SQSTM1: variants seen among roughly 807,000 people sequenced by gnomAD.
SQSTM1 encodes sequestosome 1.
Under a neutral mutation model 45.1 loss-of-function variants are expected in SQSTM1, and 36 were observed. That is an observed-to-expected ratio of 0.80 (90% confidence interval 0.61 to 1.05). The LOEUF (loss-of-function observed/expected upper bound fraction) is 1.05. SQSTM1 is among the 50% of genes least tolerant of loss of function. The pLI is 0.00. For missense variants in SQSTM1, 617 were observed against 607.1 expected, an observed-to-expected ratio of 1.02 and a Z score of -0.17; for synonymous variants, 290 against 244.3, an observed-to-expected ratio of 1.19 and a Z score of -1.74.
upstream of SQSTM1, among the ~76,000 whole-genome samples, chr5:179,815,504 A>G (rs886494970): frequency 1.1e-4 from 17 of 152,168 alleles, no homozygotes; most frequent in Non-Finnish European, 2.2e-4. Flanking sequence ...GAAAACCACA[A>G]TCAACTGGCT....
intron 5 of SQSTM1, 142 bp from the exon 6 acceptor site, chr5:179,832,890 G>A (rs1013641565): frequency 3.6e-6 from 3 of 829,832 alleles, no homozygotes; most frequent in African/African-American, 3.4e-5. Flanking sequence ...CACGCTGAGT[G>A]CCACCATCCA....
At chr5:179,828,466 C>T (rs746625404) in intron 5 of SQSTM1, among the ~76,000 whole-genome samples, 1 of 150,980 alleles carries the variant, frequency 6.6e-6, no homozygotes, top group Non-Finnish European at 1.5e-5. Context: ...CTCTGCCTCC[C>T]GGGTTCAAGC....
rs935021416 is a variant in SQSTM1 at position 179,821,214 on chromosome 5, C to G, written c.205+73C>G. The G allele has an allele frequency of 2.3e-6, 3 of 1,286,036 alleles. No homozygotes were observed. The African/African-American group carries it at 4.7e-5, about 20-fold the overall frequency. The allele number at this position is 1,286,036 out of a possible 1,614,324, so 79.7% of individuals were successfully genotyped here. On this transcript the variant is annotated intron_variant, in intron 1 of 7. Transcript: ENST00000389805. ...GCCTCCTGCCGCGGGGTGGCTGCCC[C>G]CTCCCTTCTCGGCGACGCCTGGCGG... is the stretch of plus-strand genomic sequence containing the variant.
intron 1 of SQSTM1, among the ~76,000 whole-genome samples, chr5:179,810,872 C>G (rs190306929): frequency 1.3e-5 from 2 of 151,898 alleles, no homozygotes; most frequent in African/African-American, 4.8e-5. Flanking sequence ...GCCAGTGATG[C>G]TGAGCATTTT....
At position 179,825,199 on chromosome 5, in the gene SQSTM1, A is replaced by T. The variant is rs769873457; in HGVS notation, c.727A>T (p.Ser243Cys). ...SVNFLKNVGESVAAALSPLGI... is the reference protein window; with the variant it reads ...SVNFLKNVGECVAAALSPLGI... ...GAATTTCCTGAAGAACGTTGGGGAG[A>T]GTGTGGCAGCTGCCCTTAGCCCTCT... is the stretch of plus-strand genomic sequence containing the variant. The change falls in exon 5 of 8, where the codon AGT becomes TGT. Residue 243 changes from serine (S) to cysteine (C), a missense_variant. Physicochemically the swap from Ser to Cys is moderately radical, Grantham distance 112. Transcript: ENST00000389805. 5.0e-6 allele frequency: 8 copies of T among 1,613,958 alleles called. No individual in the cohort carries two copies. The East Asian group carries it at 1.8e-4, about 36-fold the overall frequency.
chr5:179,810,916 G>GA (rs945115803), intron 1 of SQSTM1, among the ~76,000 whole-genome samples: 51 of 147,296 alleles, frequency 3.5e-4, no homozygotes, highest in Non-Finnish European at 4.7e-4. Context: ...TTTTTTTAAG[G>GA]AAAAAAAAAA....
chr5:179,822,108 C>A (rs934687437), intron 1 of SQSTM1, among the ~76,000 whole-genome samples: 3 of 152,174 alleles, frequency 2.0e-5, no homozygotes, highest in African/African-American at 7.2e-5. Flanking sequence ...CTTTTATCAC[C>A]CTCTTATCCA....
intron 2 of SQSTM1, 156 bp from the exon 3 acceptor site, chr5:179,823,702 C>T (rs1231789998): frequency 8.0e-6 from 6 of 746,634 alleles, no homozygotes; most frequent in Non-Finnish European, 1.3e-5. Flanking sequence ...TTCTTGGTGG[C>T]TCTGCTGCCC....
rs1215613472 is a variant in SQSTM1 at position 179,806,458 on chromosome 5, G to A, written c.-290G>A. Reference sequence around the variant, plus strand: ...CCGCCGCCGACGCCCAGGTGCGCCAGGTGCGGGCCGGGCGGGGGTCGCGCT... The same window carrying A: ...CCGCCGCCGACGCCCAGGTGCGCCAAGTGCGGGCCGGGCGGGGGTCGCGCT... On this transcript the variant is annotated 5_prime_UTR_variant, in exon 1 of 6. Transcript: ENST00000514093. The surrounding 1 kb of genome is among the most constrained non-coding windows in gnomAD (Gnocchi z 4.6). The A allele has an allele frequency of 2.4e-6, 3 of 1,233,388 alleles. No individual in the cohort carries two copies. The South Asian group carries it at 5.8e-5, about 24-fold the overall frequency. 76.4% of individuals were successfully genotyped at this position (1,233,388 alleles called of 1,614,324 possible).
intron 5 of SQSTM1, among the ~76,000 whole-genome samples, chr5:179,831,555 G>A (rs138422541): frequency 0.046 from 6,975 of 152,068 alleles, 298 homozygotes; most frequent in African/African-American, 0.11. Context: ...CCAGCTACTC[G>A]GGAGGCTGAG....
chr5:179,825,251 C>A, intron 5 of SQSTM1, 25 bp downstream of exon 5: 1 of 1,584,548 alleles, frequency 6.3e-7, no homozygotes, highest in Non-Finnish European at 8.7e-7. Context: ...TTGCCCAGTG[C>A]TTCCCTAACT....
rs2241349 is a variant in SQSTM1, at chr5:179,833,009, G to A, written c.755-23G>A. The A allele has an allele frequency of 0.35, 571,664 of 1,612,794 alleles. 106,358 individuals are homozygous for A. The highest frequency in any genetic ancestry group is 0.63 in the East Asian group (28,295 of 44,830). ...CATCCTTGGGGGAACTTCACGGCTTGCTCTTTCCTCCTCCGCCTCTAGGCA... is the reference window on the plus strand; with the variant it reads ...CATCCTTGGGGGAACTTCACGGCTTACTCTTTCCTCCTCCGCCTCTAGGCA... On this transcript the variant is annotated intron_variant, in intron 5 of 7. Transcript: ENST00000389805.
intron 5 of SQSTM1, among the ~76,000 whole-genome samples, chr5:179,828,209 A>C (rs991771529): frequency 1.3e-5 from 2 of 151,970 alleles, no homozygotes; most frequent in African/African-American, 4.8e-5. Flanking sequence ...TGAAAATCTC[A>C]CGCTTTCATC....
chr5:179,834,493 G>C (rs1025722786), intron 7 of SQSTM1, among the ~76,000 whole-genome samples: 1 of 151,844 alleles, frequency 6.6e-6, no homozygotes, highest in Non-Finnish European at 1.5e-5. Context: ...GGACAATAGT[G>C]GAGGGAAGGT....
intron 1 of SQSTM1, 41 bp from the exon 2 acceptor site, chr5:179,822,917 G>A: frequency 1.3e-6 from 2 of 1,579,176 alleles, no homozygotes; most frequent in Non-Finnish European, 8.7e-7. Context: ...GTCCAGCTGA[G>A]AACCCCTGGG....
Position 179,835,605 on chromosome 5 carries a change from A to G in SQSTM1, c.1166-831A>G, listed in dbSNP as rs549900562. The G allele has an allele frequency of 2.6e-5, 4 of 155,858 alleles. No individual in the cohort carries two copies. In the South Asian group the frequency reaches 7.6e-4, roughly 30 times the overall value. The allele number at this position is 155,858 out of a possible 1,614,324, so 9.7% of individuals were successfully genotyped here. On this transcript the variant is annotated intron_variant, in intron 7 of 7. Transcript: ENST00000389805. ...GCAGGCTGAGGCAAGAGAATCAGGC[A>G]GGGAGGTTGCAGTGAGCCGAGATGG...
chr5:179,836,554 G>T lies in SQSTM1; in HGVS notation c.1284G>T (p.Leu428=), dbSNP rs573881131. The T allele has an allele frequency of 1.5e-5, 25 of 1,614,130 alleles. No homozygotes were observed. The highest frequency in any genetic ancestry group is 1.6e-4 in the Middle Eastern group (1 of 6,062). The change falls in exon 8 of 8, where the codon CTG becomes CTT. Residue 428 remains leucine (L), a synonymous_variant. Coordinates refer to ENST00000389805, the MANE Select transcript of SQSTM1 (RefSeq NM_003900.5). Reference sequence around the variant, plus strand: ...AGAACTATGACATCGGAGCGGCTCTGGACACCATCCAGTATTCAAAGCATC... The same window carrying T: ...AGAACTATGACATCGGAGCGGCTCTTGACACCATCCAGTATTCAAAGCATC... ...QTKNYDIGAA[L]DTIQYSKHPP...
rs1410743608 is a variant in SQSTM1, at chr5:179,835,316, T to C, written c.1166-1120T>C. On this transcript the variant is annotated intron_variant, in intron 7 of 7. Transcript: ENST00000389805. The stretch of plus-strand genomic sequence containing the variant: ...GGGCAGAGGCTGCAATCTCGGCACT[T>C]TGGGAGGCTAAGGCAGGCAGCTGGG... 4.6e-5 allele frequency: 8 copies of C among 175,796 alleles called. No individual in the cohort carries two copies. The South Asian group carries it at 5.0e-4, about 11-fold the overall frequency. The allele number at this position is 175,796 out of a possible 1,614,324, so 10.9% of individuals were successfully genotyped here.
chr5:179,808,915 T>C (rs1757303366), intron 1 of SQSTM1, among the ~76,000 whole-genome samples: 2 of 151,454 alleles, frequency 1.3e-5, no homozygotes, highest in Non-Finnish European at 2.9e-5. Context: ...TGGAGTGCAG[T>C]GGCACTATCT....
Sources: allele counts gnomAD v4.1 joint callset (sites outside exome capture counted in the v4.1 genomes callset), GRCh38; gene constraint gnomAD v4.1.1; non-coding constraint Gnocchi (gnomAD v3.1); transcripts MANE v1.5; gene names NCBI Gene and HGNC (gene_info 2026-07-23, HGNC 2026-07-21).